The following GMDS variants were observed in gnomAD, a reference collection of about 807,000 sequenced individuals.
GMDS encodes GDP-mannose 4,6-dehydratase, also known as GDP-mannose 4,6 dehydratase.
In GMDS, 20 loss-of-function variants were observed where a neutral mutation model predicts 49.9. The ratio of observed to expected loss-of-function variants is 0.40; its 90% confidence interval spans 0.28 to 0.58. The LOEUF is 0.58. Ranked by LOEUF, GMDS falls within the 20% of genes least tolerant of loss-of-function variation. The pLI is 0.42. For missense variants in GMDS, 362 were observed against 481.4 expected (o/e 0.75, Z 2.32); for synonymous variants, 177 against 178.6 (o/e 0.99, Z 0.07).
intron 4 of GMDS, among the ~76,000 whole-genome samples, chr6:1,984,470 C>T (rs75862264): frequency 0.013 from 2,008 of 149,536 alleles, 44 homozygotes; most frequent in African/African-American, 0.047. Flanking sequence ...AGAAACAGGG[C>T]TGGCCCTGAG....
chr6:1,843,129 A>AAAATC (rs1757220611), intron 7 of GMDS, among the ~76,000 whole-genome samples: 1 of 151,214 alleles, frequency 6.6e-6, no homozygotes, highest in Admixed American at 6.6e-5. Context: ...AAAATAAAAT[A>AAAATC]AAATAAAATA....
At chr6:1,830,030 T>C (rs1771287367) in intron 7 of GMDS, among the ~76,000 whole-genome samples, 1 of 152,208 alleles carries the variant, frequency 6.6e-6, no homozygotes, top group Non-Finnish European at 1.5e-5. Flanking sequence ...TCTCTTCTTC[T>C]AGACTGCCGC....
chr6:2,218,817 A>G (rs537402789), intron 1 of GMDS, among the ~76,000 whole-genome samples: 3 of 152,322 alleles, frequency 2.0e-5, no homozygotes, highest in African/African-American at 4.8e-5. Flanking sequence ...CATTCTATAC[A>G]TTATGAAACT....
intron 4 of GMDS, among the ~76,000 whole-genome samples, chr6:2,043,711 A>T (rs946175560): frequency 8.5e-5 from 13 of 152,234 alleles, no homozygotes; most frequent in Non-Finnish European, 1.9e-4. Context: ...TGAGATAAAA[A>T]ATAAACTTGT....
chr6:2,139,959 G>A (rs773069109), intron 1 of GMDS, among the ~76,000 whole-genome samples: 7 of 152,208 alleles, frequency 4.6e-5, no homozygotes, highest in Non-Finnish European at 1.0e-4. Flanking sequence ...CTGAGCGCAG[G>A]AGGAGTAGGT....
chr6:1,710,716 A>T (rs1765924717), intron 9 of GMDS, among the ~76,000 whole-genome samples: 1 of 152,190 alleles, frequency 6.6e-6, no homozygotes, highest in African/African-American at 2.4e-5. Flanking sequence ...TTCAATCGGT[A>T]AATGATCTGG....
chr6:2,131,885 A>G (rs1775758604), intron 1 of GMDS, among the ~76,000 whole-genome samples: 1 of 150,812 alleles, frequency 6.6e-6, no homozygotes, highest in South Asian at 2.1e-4. Context: ...CTTGCCACTC[A>G]TACTGAAGTT....
chr6:2,158,945 C>T (rs1433846627), intron 1 of GMDS, among the ~76,000 whole-genome samples: 1 of 152,166 alleles, frequency 6.6e-6, no homozygotes, highest in East Asian at 1.9e-4. Flanking sequence ...TCAAGCTTAA[C>T]TCTCACAAGA....
At chr6:1,714,302 G>A (rs1018453670) in intron 9 of GMDS, among the ~76,000 whole-genome samples, 2 of 152,072 alleles carry the variant, frequency 1.3e-5, no homozygotes, top group African/African-American at 4.8e-5. Context: ...ACAGGCGTGA[G>A]CCACTGTGCC....
At chr6:1,763,380 G>C (rs1329376785) in intron 7 of GMDS, among the ~76,000 whole-genome samples, 1 of 152,232 alleles carries the variant, frequency 6.6e-6, no homozygotes. Flanking sequence ...GAAGCATTCA[G>C]TAAGTCAATT....
At chr6:2,032,836 C>T (rs763204103) in intron 4 of GMDS, among the ~76,000 whole-genome samples, 7 of 152,120 alleles carry the variant, frequency 4.6e-5, no homozygotes, top group South Asian at 2.1e-4. Flanking sequence ...TGGAATACAA[C>T]CTGTGGTGAT....
At position 1,648,659 on chromosome 6, in the gene GMDS, G is replaced by A. The variant is rs966367520; in HGVS notation, c.988-24119C>T. The stretch of plus-strand genomic sequence containing the variant: ...CTTTGCAAAGAGAACTGTCAGATCC[G>A]TTAGTTTCATAATACTTTAATCATA... On this transcript the variant is annotated intron_variant, in intron 9 of 10. Coordinates refer to ENST00000380815, the MANE Select transcript of GMDS (RefSeq NM_001500.4). 5.9e-5 allele frequency among the ~76,000 whole-genome samples: 9 copies of A among 152,328 alleles called. No individual in the cohort carries two copies. The South Asian group carries it at 1.0e-3, about 18-fold the overall frequency.
chr6:1,940,811 T>C (rs1004257655), intron 6 of GMDS, among the ~76,000 whole-genome samples: 1 of 152,262 alleles, frequency 6.6e-6, no homozygotes, highest in Non-Finnish European at 1.5e-5. Context: ...AATTCAAATT[T>C]GTAAGTCTTC....
chr6:1,893,073 C>T (rs1373909687), intron 7 of GMDS, among the ~76,000 whole-genome samples: 1 of 152,184 alleles, frequency 6.6e-6, no homozygotes, highest in Non-Finnish European at 1.5e-5. Context: ...GCTGCAGCTT[C>T]CCCATCCACC....
At chr6:2,094,895 A>G (rs1773507192) in intron 4 of GMDS, among the ~76,000 whole-genome samples, 1 of 152,180 alleles carries the variant, frequency 6.6e-6, no homozygotes, top group African/African-American at 2.4e-5. Context: ...CAGCTGCTAC[A>G]TTTCTTGATG....
Position 1,624,455 on chromosome 6 carries a change from C to T in GMDS, c.1056+17G>A, listed in dbSNP as rs1053617984. The T allele has an allele frequency of 6.2e-7, 1 of 1,609,400 alleles. No homozygotes were observed. Among genetic ancestry groups the T allele is most frequent in the East Asian group, 2.2e-5 (1 of 44,838 alleles). On this transcript the variant is annotated intron_variant, in intron 10 of 10. Transcript: ENST00000380815. Reference sequence around the variant, plus strand: ...GGGGCCCCGCAGCGGGCGGCGTGCGCCCTAAGAGATACTCACATCGAAAGC... The same window carrying T: ...GGGGCCCCGCAGCGGGCGGCGTGCGTCCTAAGAGATACTCACATCGAAAGC...
intron 7 of GMDS, among the ~76,000 whole-genome samples, chr6:1,792,077 C>T (rs946323168): frequency 6.6e-5 from 10 of 152,156 alleles, no homozygotes; most frequent in African/African-American, 2.2e-4. Context: ...CTTTTAAACT[C>T]ACTTCCCCTC....
chr6:2,149,522 T>C (rs1776741587), intron 1 of GMDS, among the ~76,000 whole-genome samples: 1 of 152,106 alleles, frequency 6.6e-6, no homozygotes. Flanking sequence ...CCTAGGTCCA[T>C]TAAAAGAAAC....
intron 9 of GMDS, among the ~76,000 whole-genome samples, chr6:1,636,619 C>T (rs912285391): frequency 2.0e-5 from 3 of 152,174 alleles, no homozygotes; most frequent in Admixed American, 1.3e-4. Context: ...CATGGAGGAA[C>T]GGGCTCCCAT....
Sources: gnomAD v4.1 joint callset for allele counts (sites outside exome capture counted in the v4.1 genomes callset) on GRCh38, gnomAD v4.1.1 for gene constraint, MANE v1.5 for transcripts, NCBI Gene and HGNC (gene_info 2026-07-23, HGNC 2026-07-21) for gene names.